Variants in EBF1 observed in about 807,000 individuals in gnomAD.
EBF1 encodes EBF transcription factor 1, also known as transcription factor COE1.
A neutral mutation model predicts 68.4 loss-of-function variants in EBF1; 10 were observed. That is an observed-to-expected ratio of 0.15 (90% CI 0.09 to 0.25). The LOEUF is 0.25. EBF1 is among the 10% of genes least tolerant of loss of function. The probability of loss-of-function intolerance (pLI) is 1.00; values close to 1 mark genes in which losing one functional copy is unlikely to be tolerated. For synonymous variants in EBF1, 298 were observed against 299.8 expected (o/e 0.99, Z 0.06); for missense variants, 509 against 794.4 (o/e 0.64, Z 4.32).
intron 6 of EBF1, among the ~76,000 whole-genome samples, chr5:159,024,975 G>A (rs1376614789): frequency 2.0e-5 from 3 of 152,218 alleles, no homozygotes; most frequent in Non-Finnish European, 2.9e-5. Flanking sequence ...GGGCACAACA[G>A]CAAGTGTCTA....
chr5:158,923,017 A>G (rs1257131647), intron 6 of EBF1, among the ~76,000 whole-genome samples: 2 of 152,220 alleles, frequency 1.3e-5, no homozygotes, highest in Non-Finnish European at 2.9e-5. Flanking sequence ...TTAGCCAATT[A>G]GGTGGTCTAT....
At chr5:158,988,175 A>G (rs1759494098) in intron 6 of EBF1, among the ~76,000 whole-genome samples, 1 of 152,236 alleles carries the variant, frequency 6.6e-6, no homozygotes. Context: ...TGAGCCAGCC[A>G]TCCGCAGTGG....
Position 158,854,420 on chromosome 5 carries a change from T to C in EBF1, c.555-14310A>G, listed in dbSNP as rs545959919. On this transcript the variant is annotated intron_variant, in intron 6 of 15. Coordinates refer to ENST00000313708, the MANE Select transcript of EBF1 (RefSeq NM_024007.5). ...CAAGCTTGATTTTCTCCCAGACCTT[T>C]GGCAGCTGACGGGTTGGGTGAAGGG... is the stretch of plus-strand genomic sequence containing the variant. 2.6e-5 allele frequency among the ~76,000 whole-genome samples: 4 copies of C among 152,306 alleles called. No homozygotes were observed. In the South Asian group the frequency reaches 6.2e-4, roughly 24 times the overall value.
At chr5:158,916,419 G>A (rs1420646114) in intron 6 of EBF1, among the ~76,000 whole-genome samples, 1 of 152,084 alleles carries the variant, frequency 6.6e-6, no homozygotes, top group African/African-American at 2.4e-5. Context: ...GGATTTGATA[G>A]AACAAGATAA....
In EBF1 at chr5:158,771,851, G is replaced by T. The variant is rs528400214; in HGVS notation, c.1036+5562C>A. Among the ~76,000 whole-genome samples the T allele has an allele frequency of 2.1e-4, 32 of 152,238 alleles. No individual in the cohort carries two copies. The South Asian group carries it at 6.4e-3, about 31-fold the overall frequency. ...ATAAGCAACTTGTCTCACAGCTAGC[G>T]AGTAGCAAGGCTGGGATACGATGCA... is the stretch of plus-strand genomic sequence containing the variant. On this transcript the variant is annotated intron_variant, in intron 10 of 15. Transcript: ENST00000313708.
intron 6 of EBF1, among the ~76,000 whole-genome samples, chr5:158,894,188 G>A (rs926887584): frequency 6.6e-6 from 1 of 152,118 alleles, no homozygotes; most frequent in African/African-American, 2.4e-5. Context: ...AGTCCACAGA[G>A]TATTGATTGC....
At chr5:158,808,694 G>T (rs181386671) in intron 8 of EBF1, among the ~76,000 whole-genome samples, 1 of 152,258 alleles carries the variant, frequency 6.6e-6, no homozygotes, top group East Asian at 1.9e-4. Flanking sequence ...AGTACAGAGT[G>T]GGCAAAAATT....
intron 6 of EBF1, among the ~76,000 whole-genome samples, chr5:159,001,466 A>C (rs986798105): frequency 1.3e-5 from 2 of 152,278 alleles, no homozygotes; most frequent in Non-Finnish European, 2.9e-5. Flanking sequence ...TGACTCAACC[A>C]TTCACTGACT....
In EBF1 at chr5:159,084,705, T is replaced by C; in HGVS notation, c.446A>G (p.Glu149Gly). The C allele has an allele frequency of 1.9e-6, 3 of 1,601,512 alleles. No homozygotes were observed. Among genetic ancestry groups the C allele is most frequent in the Non-Finnish European group, 2.6e-6 (3 of 1,172,500 alleles). ...IVYEGQDKNP[E>G]MCRVLLTHEI... ...ATGTGTGAGCAAGACTCGGCACATT[T>C]CTGGGTTCTTGTCTTGGCCTTCATA... Residue 149 changes from glutamate (E) to glycine (G), a missense_variant, in exon 5 of 16, where the codon GAA becomes GGA. Physicochemically the swap from Glu to Gly is moderately conservative, Grantham distance 98. Around this residue, in one of 3 missense-constraint regions of EBF1, gnomAD observed 230 missense variants for 467.7 expected, o/e 0.49. Coordinates refer to ENST00000313708, the MANE Select transcript of EBF1 (RefSeq NM_024007.5).
intron 6 of EBF1, among the ~76,000 whole-genome samples, chr5:159,002,156 C>T (rs1367059186): frequency 1.4e-5 from 2 of 139,416 alleles, no homozygotes; most frequent in African/African-American, 5.6e-5. Flanking sequence ...CTCCCCCAAG[C>T]CTTTTTTTTT....
intron 6 of EBF1, among the ~76,000 whole-genome samples, chr5:158,966,994 G>C (rs1291917732): frequency 6.6e-6 from 1 of 151,994 alleles, no homozygotes; most frequent in Admixed American, 6.6e-5. Flanking sequence ...CTGTTAATAT[G>C]CTCAGGGTAA....
At chr5:159,092,874 T>G (rs1218922060) in intron 4 of EBF1, among the ~76,000 whole-genome samples, 2 of 152,172 alleles carry the variant, frequency 1.3e-5, no homozygotes, top group East Asian at 3.8e-4. Flanking sequence ...AAATCCATAA[T>G]GTATGAGGAA....
At chr5:158,826,916 G>T (rs1226958634) in intron 7 of EBF1, among the ~76,000 whole-genome samples, 1 of 152,030 alleles carries the variant, frequency 6.6e-6, no homozygotes, top group African/African-American at 2.4e-5. Flanking sequence ...CCTCTATTTA[G>T]AATTTGAAAG....
At chr5:159,053,313 A>C (rs1003283006) in intron 6 of EBF1, among the ~76,000 whole-genome samples, 1 of 152,224 alleles carries the variant, frequency 6.6e-6, no homozygotes, top group Admixed American at 6.5e-5. Flanking sequence ...GAGAATACCC[A>C]GAATTCAGCT....
At chr5:158,841,542 C>G (rs1402278821) in intron 6 of EBF1, among the ~76,000 whole-genome samples, 2 of 152,208 alleles carry the variant, frequency 1.3e-5, no homozygotes, top group Non-Finnish European at 2.9e-5. Context: ...CTTTCTTCCA[C>G]TTCAAGTCCA....
intron 5 of EBF1, 53 bp downstream of exon 5, chr5:159,084,613 G>T: frequency 2.2e-6 from 3 of 1,388,810 alleles, no homozygotes; most frequent in South Asian, 1.5e-5. Context: ...GATTTGAAAT[G>T]CAAATTCATC....
At chr5:158,824,589 A>G (rs1785615881) in intron 7 of EBF1, among the ~76,000 whole-genome samples, 1 of 152,262 alleles carries the variant, frequency 6.6e-6, no homozygotes, top group Non-Finnish European at 1.5e-5. Flanking sequence ...TAGCCTCTGA[A>G]GAGGTGAACC....
At chr5:159,025,140 C>G (rs1767446153) in intron 6 of EBF1, among the ~76,000 whole-genome samples, 1 of 152,214 alleles carries the variant, frequency 6.6e-6, no homozygotes, top group African/African-American at 2.4e-5. Context: ...CAAAAGGTAT[C>G]TATCTGACCT....
At chr5:159,010,435 G>A (rs1764417753) in intron 6 of EBF1, among the ~76,000 whole-genome samples, 1 of 151,988 alleles carries the variant, frequency 6.6e-6, no homozygotes, top group Non-Finnish European at 1.5e-5. Context: ...TTATCTTTTT[G>A]CAAACAAAGA....
Sources: gnomAD v4.1 joint callset for allele counts (sites outside exome capture counted in the v4.1 genomes callset) on GRCh38, gnomAD v4.1.1 for gene constraint, gnomAD v4.1.1 regional missense constraint, MANE v1.5 for transcripts, NCBI Gene and HGNC (gene_info 2026-07-23, HGNC 2026-07-21) for gene names.